The following ETS1 variants were observed in gnomAD, a reference collection of about 807,000 sequenced individuals.
ETS1 encodes the protein ETS proto-oncogene 1, transcription factor, also known as protein C-ets-1.
Under a neutral mutation model 58.6 loss-of-function variants are expected in ETS1, and 15 were observed. The observed-to-expected ratio is 0.26, with a 90% CI of 0.17 to 0.39. The LOEUF (loss-of-function observed/expected upper bound fraction) is 0.39, where lower values mean the gene tolerates loss of function less well. Among genes scored for constraint, ETS1 ranks in the 10% least tolerant of loss-of-function variants. The probability of loss-of-function intolerance (pLI) is 1.00; values close to 1 mark genes in which losing one functional copy is unlikely to be tolerated. For missense variants in ETS1, 417 were observed against 610.5 expected, an observed-to-expected ratio of 0.68 and a Z score of 3.34; for synonymous variants, 214 against 218.2, an observed-to-expected ratio of 0.98 and a Z score of 0.17.
chr11:128,491,754 A>G (rs1031909871), intron 3 of ETS1, among the ~76,000 whole-genome samples: 11 of 152,262 alleles, frequency 7.2e-5, no homozygotes, highest in African/African-American at 2.4e-4. Flanking sequence ...GGCAGATAAC[A>G]TAAGTGAACA....
At chr11:128,582,599 T>C (rs944036617) in intron 1 of ETS1, among the ~76,000 whole-genome samples, 1 of 152,228 alleles carries the variant, frequency 6.6e-6, no homozygotes, top group African/African-American at 2.4e-5. Flanking sequence ...TCTCTTTTTC[T>C]AAAGACTTGT....
chr11:128,520,743 T>C (rs139256499), intron 3 of ETS1, among the ~76,000 whole-genome samples: 177 of 152,316 alleles, frequency 1.2e-3, no homozygotes, highest in Non-Finnish European at 1.8e-3. Flanking sequence ...GTGACCTACA[T>C]GTCTTTATTA....
chr11:128,462,409 A>G lies in ETS1; in HGVS notation c.1410T>C (p.Pro470=), dbSNP rs1303672230. 2 of 1,614,188 alleles carry G rather than the reference A, an allele frequency of 1.2e-6. No individual in the cohort carries two copies. Among genetic ancestry groups the G allele is most frequent in the Middle Eastern group, 1.7e-4 (1 of 6,060 alleles). ...CDLQSLLGYT[P]EELHAMLDVK... is the part of the protein sequence containing the mutation. Reference sequence around the variant, plus strand: ...CGTCCAGCATGGCGTGCAGCTCCTCAGGGGTGTACCCCAGCAGGCTCTGCA... The same window carrying G: ...CGTCCAGCATGGCGTGCAGCTCCTCGGGGGTGTACCCCAGCAGGCTCTGCA... The change falls in exon 10 of 10, where the codon CCT becomes CCC. Residue 470 remains proline, a synonymous_variant. Coordinates refer to ENST00000392668, the MANE Select transcript of ETS1 (RefSeq NM_001143820.2).
intron 3 of ETS1, chr11:128,526,972 G>C (rs1863812723): frequency 2.2e-6 from 1 of 456,080 alleles, no homozygotes; most frequent in South Asian, 1.5e-5. Context: ...ACTAGAACCA[G>C]ATGCCCTGAT....
chr11:128,489,538 C>T (rs1177107284), intron 4 of ETS1, 48 bp from the exon 5 acceptor site: 1 of 1,465,240 alleles, frequency 6.8e-7, no homozygotes, highest in South Asian at 1.1e-5. Flanking sequence ...GCTTTTAACT[C>T]CTATCCAAGC....
intron 3 of ETS1, among the ~76,000 whole-genome samples, chr11:128,510,170 T>C (rs1278026017): frequency 6.6e-6 from 1 of 152,198 alleles, no homozygotes; most frequent in Non-Finnish European, 1.5e-5. Context: ...AGCTCATATG[T>C]ATTTAGCATC....
intron 3 of ETS1, among the ~76,000 whole-genome samples, chr11:128,545,943 A>G (rs1004044251): frequency 2.0e-5 from 3 of 152,232 alleles, no homozygotes; most frequent in South Asian, 4.1e-4. Context: ...AGTGAGCACA[A>G]CAACTTTCTG....
At chr11:128,522,672 G>T (rs1327232018) in intron 3 of ETS1, among the ~76,000 whole-genome samples, 2 of 152,188 alleles carry the variant, frequency 1.3e-5, no homozygotes, top group African/African-American at 4.8e-5. Flanking sequence ...GGGAAAGTCC[G>T]TCTGATTCTC....
rs934677136 is a variant in ETS1 at position 128,462,337 on chromosome 11, G to T, written c.*24C>A. 4.8e-5 allele frequency: 76 copies of T among 1,582,240 alleles called. No individual in the cohort carries two copies. Among genetic ancestry groups the T allele is most frequent in the Non-Finnish European group, 6.3e-5 (73 of 1,152,528 alleles). On this transcript the variant is annotated 3_prime_UTR_variant, in exon 10 of 10. Transcript: ENST00000392668. ...GCTGTCCTTGGAAGGTCTCAGCAGGGTTTCCCCAGCCCCTTCAGTGCCATC... is the reference window on the plus strand; with the variant it reads ...GCTGTCCTTGGAAGGTCTCAGCAGGTTTTCCCCAGCCCCTTCAGTGCCATC...
At chr11:128,547,485 T>C (rs375394139) in intron 3 of ETS1, among the ~76,000 whole-genome samples, 2 of 152,214 alleles carry the variant, frequency 1.3e-5, no homozygotes, top group African/African-American at 4.8e-5. Flanking sequence ...GTATGAGGTA[T>C]GTAAGATAGC....
At chr11:128,576,882 C>A (rs1428176468) in intron 1 of ETS1, among the ~76,000 whole-genome samples, 1 of 152,206 alleles carries the variant, frequency 6.6e-6, no homozygotes, top group East Asian at 1.9e-4. Flanking sequence ...TTAGGCTCAG[C>A]TCAGAGGTTA....
intron 3 of ETS1, among the ~76,000 whole-genome samples, chr11:128,498,893 C>T (rs1863012143): frequency 6.6e-6 from 1 of 152,184 alleles, no homozygotes; most frequent in Non-Finnish European, 1.5e-5. Flanking sequence ...CACCTGACTC[C>T]CACCACATGA....
chr11:128,480,653 G>A lies in ETS1; in HGVS notation c.863-202C>T, dbSNP rs377195055. Among the ~76,000 whole-genome samples the A allele has an allele frequency of 7.2e-3, 1,092 of 152,248 alleles. 11 individuals are homozygous for A. Among genetic ancestry groups the A allele is most frequent in the African/African-American group, 0.025 (1,035 of 41,520 alleles). ...AAGGGGCTGCACTAGGCCACCATCCGAGGGTCCACGGCCACTCTGCTGCCT... is the reference window on the plus strand; with the variant it reads ...AAGGGGCTGCACTAGGCCACCATCCAAGGGTCCACGGCCACTCTGCTGCCT... On this transcript the variant is annotated intron_variant, in intron 7 of 9. Coordinates refer to ENST00000392668, the MANE Select transcript of ETS1 (RefSeq NM_001143820.2).
Position 128,480,438 on chromosome 11 carries a change from GC to G in ETS1, c.875del (p.Gly292AlafsTer8). 1 of 1,612,366 alleles carries G rather than the reference GC, an allele frequency of 6.2e-7. No individual in the cohort carries two copies. Among genetic ancestry groups the G allele is most frequent in the East Asian group, 2.2e-5 (1 of 44,810 alleles). ...TCTCTATGCTTTCAAAAGAGTCCTG[GC>G]CCCCGAGTTTACCTGGAGGTAAAGG... ...MGRTSRGKLG[G>X]QDSFESIESY... On this transcript the variant is annotated frameshift_variant, in exon 8 of 10. Coordinates refer to ENST00000392668, the MANE Select transcript of ETS1 (RefSeq NM_001143820.2). LOFTEE classifies it high-confidence loss of function.
At chr11:128,544,728 C>T (rs1864106816) in intron 3 of ETS1, among the ~76,000 whole-genome samples, 1 of 152,048 alleles carries the variant, frequency 6.6e-6, no homozygotes, top group Non-Finnish European at 1.5e-5. Context: ...TCACACGGAA[C>T]AGCTGCGAGG....
At chr11:128,508,988 T>C (rs1312127946) in intron 3 of ETS1, among the ~76,000 whole-genome samples, 1 of 152,188 alleles carries the variant, frequency 6.6e-6, no homozygotes, top group African/African-American at 2.4e-5. Flanking sequence ...ACTAGGCAGA[T>C]ATTTTGATCA....
intron 7 of ETS1, among the ~76,000 whole-genome samples, chr11:128,482,902 C>T (rs559299399): frequency 6.6e-6 from 1 of 152,142 alleles, no homozygotes; most frequent in African/African-American, 2.4e-5. Context: ...TGAGTAGACT[C>T]GTACAAAGAC....
At chr11:128,509,986 C>T (rs1335351774) in intron 3 of ETS1, among the ~76,000 whole-genome samples, 2 of 152,184 alleles carry the variant, frequency 1.3e-5, no homozygotes. Flanking sequence ...ATTAGCTTCA[C>T]TTCTCTCACT....
intron 1 of ETS1, among the ~76,000 whole-genome samples, chr11:128,583,354 T>G (rs1052887398): frequency 6.6e-6 from 1 of 152,204 alleles, no homozygotes; most frequent in East Asian, 1.9e-4. Context: ...AGGAGCCATA[T>G]GCCAGATGCA....
Sources: allele counts gnomAD v4.1 joint callset (sites outside exome capture counted in the v4.1 genomes callset), GRCh38; gene constraint gnomAD v4.1.1; transcripts MANE v1.5; gene names NCBI Gene and HGNC (gene_info 2026-07-23, HGNC 2026-07-21).